The following ZNF654 variants were observed in gnomAD, a reference collection of about 807,000 sequenced individuals.
The protein encoded by ZNF654 is melanoma-associated antigen.
A neutral mutation model predicts 95.3 loss-of-function variants in ZNF654; 19 were observed. The ratio of observed to expected loss-of-function variants is 0.20; its 90% CI spans 0.14 to 0.29. ZNF654 has a LOEUF of 0.29. Among genes scored for constraint, ZNF654 ranks in the 10% least tolerant of loss-of-function variants. ZNF654 has a pLI of 1.00. For missense variants in ZNF654, 1,046 were observed against 1,341.0 expected, an observed-to-expected ratio of 0.78 and a Z score of 3.44; for synonymous variants, 413 against 457.9, an observed-to-expected ratio of 0.90 and a Z score of 1.25.
chr3:88,135,259 T>C, intron 7 of ZNF654, 57 bp downstream of exon 7: 1 of 1,282,274 alleles, frequency 7.8e-7, no homozygotes, highest in Non-Finnish European at 1.0e-6. Context: ...TCACTGAAAC[T>C]TGAATCTCTT....
At chr3:88,108,569 C>T (rs1704888432) in intron 2 of ZNF654, among the ~76,000 whole-genome samples, 2 of 152,134 alleles carry the variant, frequency 1.3e-5, no homozygotes, top group South Asian at 4.1e-4. Context: ...ATGATGAAAT[C>T]TCACACCATC....
At chr3:88,106,323 A>G (rs1380763079) in intron 2 of ZNF654, among the ~76,000 whole-genome samples, 4 of 152,052 alleles carry the variant, frequency 2.6e-5, no homozygotes, top group Non-Finnish European at 4.4e-5. Context: ...TTGAAAATGT[A>G]TATTTTTTTC....
rs564648474 is a variant in ZNF654, at chr3:88,079,361, G to A, written c.187-6896G>A. On this transcript the variant is annotated intron_variant, in intron 1 of 8. Transcript: ENST00000636215. ...AGTTAAAATGGATGAAAGGATAGCA[G>A]ATATTTAATCTAGGAAGAGACTATA... Among the ~76,000 whole-genome samples, 6 of 152,176 alleles carry A rather than the reference G, an allele frequency of 3.9e-5. No homozygotes were observed. The South Asian group carries it at 8.3e-4, about 21-fold the overall frequency.
At chr3:88,094,258 G>C (rs559634931) in intron 2 of ZNF654, among the ~76,000 whole-genome samples, 1 of 152,160 alleles carries the variant, frequency 6.6e-6, no homozygotes, top group Non-Finnish European at 1.5e-5. Flanking sequence ...GCATTTGTTT[G>C]TATTGGCCAT....
At chr3:88,093,813 G>C (rs1703888705) in intron 2 of ZNF654, among the ~76,000 whole-genome samples, 1 of 152,162 alleles carries the variant, frequency 6.6e-6, no homozygotes, top group African/African-American at 2.4e-5. Flanking sequence ...AAATGACTTG[G>C]AAATAAAGGA....
chr3:88,125,215 C>CAA (rs71272834), intron 3 of ZNF654, among the ~76,000 whole-genome samples: 5 of 120,972 alleles, frequency 4.1e-5, no homozygotes, highest in South Asian at 2.5e-4. Context: ...GACTCCATCT[C>CAA]AAAAAAAAAA....
At chr3:88,067,199 G>A (rs867151827) in intron 1 of ZNF654, among the ~76,000 whole-genome samples, 2 of 152,198 alleles carry the variant, frequency 1.3e-5, no homozygotes, top group Non-Finnish European at 2.9e-5. Flanking sequence ...TATAACTTTG[G>A]TAAGTGCTAT....
intron 6 of ZNF654, among the ~76,000 whole-genome samples, chr3:88,134,635 T>G (rs1186620412): frequency 6.6e-6 from 1 of 152,146 alleles, no homozygotes; most frequent in African/African-American, 2.4e-5. Context: ...GTACTTTTGA[T>G]ATCTTAATAA....
intron 8 of ZNF654, 70 bp downstream of exon 8, chr3:88,141,118 A>G: frequency 6.7e-7 from 1 of 1,498,434 alleles, no homozygotes; most frequent in Non-Finnish European, 8.9e-7. Flanking sequence ...ACTATTATAG[A>G]TCTTTGAGAT....
At chr3:88,102,848 A>T (rs1704510722) in intron 2 of ZNF654, among the ~76,000 whole-genome samples, 1 of 83,772 alleles carries the variant, frequency 1.2e-5, no homozygotes, top group Non-Finnish European at 2.4e-5. Flanking sequence ...TAATAATTTC[A>T]ACTTGTAGTT....
At chr3:88,094,277 A>ACTTAGTATTGCATT (rs1703926269) in intron 2 of ZNF654, among the ~76,000 whole-genome samples, 1 of 152,082 alleles carries the variant, frequency 6.6e-6, no homozygotes, top group Admixed American at 6.6e-5. Flanking sequence ...ATCGTTAGAA[A>ACTTAGTATTGCATT]CTTAGTATTG....
In ZNF654 at chr3:88,062,156, C is replaced by T. The variant is rs541384247; in HGVS notation, c.186+2651C>T. Reference sequence around the variant, plus strand: ...TCAATAAATGCTTAAATAAAACTGGCTCTTAACTGATACTTAATTTGCTTT... The same window carrying T: ...TCAATAAATGCTTAAATAAAACTGGTTCTTAACTGATACTTAATTTGCTTT... On this transcript the variant is annotated intron_variant, in intron 1 of 8. Transcript: ENST00000636215. Among the ~76,000 whole-genome samples, 44 of 152,230 alleles carry T rather than the reference C, an allele frequency of 2.9e-4. 1 individual carries two copies. The South Asian group carries it at 7.7e-3, about 27-fold the overall frequency.
intron 2 of ZNF654, among the ~76,000 whole-genome samples, chr3:88,086,883 C>T (rs950532367): frequency 9.9e-5 from 15 of 151,660 alleles, no homozygotes; most frequent in African/African-American, 3.1e-4. Flanking sequence ...CCCGGGTTCA[C>T]GCCATTCTCC....
intron 6 of ZNF654, among the ~76,000 whole-genome samples, chr3:88,131,034 A>G (rs1304798541): frequency 2.0e-5 from 3 of 152,154 alleles, no homozygotes; most frequent in Non-Finnish European, 2.9e-5. Context: ...TAATATGTCA[A>G]TAGGCAGTTT....
intron 1 of ZNF654, among the ~76,000 whole-genome samples, chr3:88,064,091 T>C (rs946992794): frequency 2.1e-5 from 3 of 145,670 alleles, no homozygotes; most frequent in Admixed American, 1.5e-4. Context: ...ATGGATATTA[T>C]TGAATAACGA....
In ZNF654 at chr3:88,144,568, C is replaced by A. The variant is rs1707265897; in HGVS notation, c.*2916C>A. The A allele has an allele frequency of 6.6e-6, 1 of 152,256 alleles. No individual in the cohort carries two copies. Among genetic ancestry groups the A allele is most frequent in the African/African-American group, 2.4e-5 (1 of 41,364 alleles). The allele number at this position is 152,256 out of a possible 1,614,324, so 9.4% of individuals were successfully genotyped here. A position where few individuals can be genotyped will look rare whatever the true frequency, so the allele number is the denominator to read the frequency against. ...ATAAGAGTACAAATTAAAACTGAGC[C>A]ATTGAACTGCAATAAATCAACAATA... On this transcript the variant is annotated 3_prime_UTR_variant, in exon 9 of 9. Coordinates refer to ENST00000636215, the MANE Select transcript of ZNF654 (RefSeq NM_001350134.2).
chr3:88,123,740 G>A (rs557498222), intron 3 of ZNF654, among the ~76,000 whole-genome samples: 1 of 152,268 alleles, frequency 6.6e-6, no homozygotes, highest in East Asian at 1.9e-4. Flanking sequence ...TAGAAAGATG[G>A]ATTGTCCCAG....
At chr3:88,097,714 A>C (rs1704147018) in intron 2 of ZNF654, among the ~76,000 whole-genome samples, 1 of 152,210 alleles carries the variant, frequency 6.6e-6, no homozygotes, top group Admixed American at 6.5e-5. Flanking sequence ...GAACTGAACA[A>C]CCGGCTCCTG....
chr3:88,139,444 A>G lies in ZNF654; in HGVS notation c.1775A>G (p.Lys592Arg), dbSNP rs765161957. The G allele has an allele frequency of 5.0e-6, 8 of 1,613,872 alleles. No homozygotes were observed. Among genetic ancestry groups the G allele is most frequent in the Admixed American group, 3.3e-5 (2 of 59,992 alleles). The change falls in exon 8 of 9, where the codon AAG becomes AGG. Residue 592 changes from lysine (K) to arginine (R), a missense_variant. Around this residue, in one of 9 missense-constraint regions of ZNF654, gnomAD observed 495 missense variants for 537.0 expected, o/e 0.92. Coordinates refer to ENST00000636215, the MANE Select transcript of ZNF654 (RefSeq NM_001350134.2). ...AGAGGACTTATGCAGAAGCATTTGA[A>G]GAATCATGTTAAGAAGATACAGAGG... ...RNRGLMQKHLKNHVKKIQRQQ... is the reference protein window; with the variant it reads ...RNRGLMQKHLRNHVKKIQRQQ...
Sources: allele counts gnomAD v4.1 joint callset (sites outside exome capture counted in the v4.1 genomes callset), GRCh38; gene constraint gnomAD v4.1.1; regional missense constraint gnomAD v4.1.1; transcripts MANE v1.5; gene names NCBI Gene and HGNC (gene_info 2026-07-23, HGNC 2026-07-21).